MARK2: variants seen among roughly 807,000 people sequenced by gnomAD.
MARK2 encodes microtubule affinity regulating kinase 2, also known as serine/threonine-protein kinase MARK2.
MARK2 carries 16 observed loss-of-function variants against 89.8 expected under a neutral mutation model. The observed-to-expected ratio is 0.18, with a 90% CI of 0.12 to 0.27. The LOEUF is 0.27. Among genes scored for constraint, MARK2 ranks in the 10% least tolerant of loss-of-function variants. The pLI is 1.00. For synonymous variants in MARK2, 382 were observed against 399.5 expected, an observed-to-expected ratio of 0.96 and a Z score of 0.52; for missense variants, 621 against 1,049.9, an observed-to-expected ratio of 0.59 and a Z score of 5.65.
At chr11:63,859,207 A>G (rs1937612701) in intron 1 of MARK2, among the ~76,000 whole-genome samples, 1 of 152,116 alleles carries the variant, frequency 6.6e-6, no homozygotes, top group Non-Finnish European at 1.5e-5. Context: ...GGCTGCAGTC[A>G]CTAAGGCCAG....
chr11:63,852,842 A>T (rs2016640258), intron 1 of MARK2, among the ~76,000 whole-genome samples: 1 of 152,204 alleles, frequency 6.6e-6, no homozygotes, highest in East Asian at 1.9e-4. Flanking sequence ...GAGTTTAAAG[A>T]AAAAGGAATT....
At position 63,888,595 on chromosome 11, in the gene MARK2, G is replaced by A. The variant is rs1939557321; in HGVS notation, c.55-6564G>A. ...CCCCTTCCCTCCCACCTTGCTTCTGGTGTGCTGTCCTGGAATTGCACGCGC... is the reference window on the plus strand; with the variant it reads ...CCCCTTCCCTCCCACCTTGCTTCTGATGTGCTGTCCTGGAATTGCACGCGC... On this transcript the variant is annotated intron_variant, in intron 1 of 18. Coordinates refer to ENST00000402010, the MANE Select transcript of MARK2 (RefSeq NM_001039469.3). 3.6e-6 allele frequency: 4 copies of A among 1,107,648 alleles called. No homozygotes were observed. In the African/African-American group the frequency reaches 6.6e-5, roughly 18 times the overall value. 68.6% of individuals were successfully genotyped at this position (1,107,648 alleles called of 1,614,324 possible).
At chr11:63,907,771 G>A (rs1160511986) in intron 17 of MARK2, among the ~76,000 whole-genome samples, 2 of 152,078 alleles carry the variant, frequency 1.3e-5, no homozygotes, top group South Asian at 2.1e-4. Flanking sequence ...GCGTAGCCAC[G>A]GCCCCTCCTC....
At chr11:63,852,047 C>G (rs1321995529) in intron 1 of MARK2, among the ~76,000 whole-genome samples, 2 of 152,186 alleles carry the variant, frequency 1.3e-5, no homozygotes. Context: ...AAATTCTGTT[C>G]ATAGTAACGT....
chr11:63,861,146 T>C (rs956154955), intron 1 of MARK2, among the ~76,000 whole-genome samples: 2 of 152,094 alleles, frequency 1.3e-5, no homozygotes, highest in Non-Finnish European at 2.9e-5. Context: ...TAAGGAACTT[T>C]AATTTCGGGT....
intron 1 of MARK2, among the ~76,000 whole-genome samples, chr11:63,852,837 TAAAGAAAAA>T (rs2016639844): frequency 6.6e-6 from 1 of 152,192 alleles, no homozygotes; most frequent in Non-Finnish European, 1.5e-5. Context: ...ATTTAGAGTT[TAAAGAAAAA>T]GGAATTGCAT....
At chr11:63,877,962 G>A (rs1938864666) in intron 1 of MARK2, among the ~76,000 whole-genome samples, 1 of 152,196 alleles carries the variant, frequency 6.6e-6, no homozygotes, top group Non-Finnish European at 1.5e-5. Flanking sequence ...CATTGATCTG[G>A]CAAGCTGGCC....
At position 63,909,292 on chromosome 11, in the gene MARK2, C is replaced by T. The variant is rs1378212667; in HGVS notation, c.*55C>T. ...CGGGCCAGCTGGACGGGCTGCCGGCCGCTGCGCCGCCCCACCTGGGCGAGA... is the reference window on the plus strand; with the variant it reads ...CGGGCCAGCTGGACGGGCTGCCGGCTGCTGCGCCGCCCCACCTGGGCGAGA... On this transcript the variant is annotated 3_prime_UTR_variant, in exon 19 of 19. Coordinates refer to ENST00000402010, the MANE Select transcript of MARK2 (RefSeq NM_001039469.3). The T allele has an allele frequency of 5.1e-5, 76 of 1,478,770 alleles. No individual in the cohort carries two copies. The highest frequency in any genetic ancestry group is 6.3e-5 in the Non-Finnish European group (70 of 1,111,074). 91.6% of individuals were successfully genotyped at this position (1,478,770 alleles called of 1,614,324 possible). A position where few individuals can be genotyped will look rare whatever the true frequency, so the allele number is the denominator to read the frequency against.
In MARK2 at chr11:63,893,209, G is replaced by A. The variant is rs533358073; in HGVS notation, c.55-1950G>A. On this transcript the variant is annotated intron_variant, in intron 1 of 18. Coordinates refer to ENST00000402010, the MANE Select transcript of MARK2 (RefSeq NM_001039469.3). ...AATTTCTTAATTTTTTGTAGAGACA[G>A]AGTCTCCCTATGTTGCCCAGGCTCG... Among the ~76,000 whole-genome samples, 186 of 149,450 alleles carry A rather than the reference G, an allele frequency of 1.2e-3. 1 individual carries two copies. Among genetic ancestry groups the A allele is most frequent in the African/African-American group, 4.5e-3 (181 of 40,566 alleles).
At chr11:63,898,876 T>A in intron 6 of MARK2, 43 bp downstream of exon 6, 1 of 1,570,570 alleles carries the variant, frequency 6.4e-7, no homozygotes, top group South Asian at 1.1e-5. Flanking sequence ...TGACCTCTGC[T>A]TTTGGGGTTT....
At chr11:63,852,718 C>T (rs1219206568) in intron 1 of MARK2, among the ~76,000 whole-genome samples, 1 of 151,108 alleles carries the variant, frequency 6.6e-6, no homozygotes, top group Non-Finnish European at 1.5e-5. Flanking sequence ...ATGAAAGCTA[C>T]CTTCTCAGTT....
intron 5 of MARK2, 31 bp downstream of exon 5, chr11:63,898,704 C>T (rs745498347): frequency 6.2e-7 from 1 of 1,610,688 alleles, no homozygotes; most frequent in Non-Finnish European, 8.5e-7. Context: ...TCCTGTTGTG[C>T]CCCCACTTCT....
intron 1 of MARK2, among the ~76,000 whole-genome samples, chr11:63,892,199 C>G (rs1403929471): frequency 6.6e-6 from 1 of 152,158 alleles, no homozygotes; most frequent in Admixed American, 6.5e-5. Context: ...AGGAGCCTCC[C>G]CCTTCAAACA....
intron 1 of MARK2, among the ~76,000 whole-genome samples, chr11:63,853,955 C>A (rs1269917250): frequency 1.6e-4 from 24 of 152,148 alleles, no homozygotes; most frequent in Non-Finnish European, 2.8e-4. Context: ...TCACTGCCAC[C>A]TCTGCCTCCT....
At chr11:63,892,504 C>T (rs1316481019) in intron 1 of MARK2, among the ~76,000 whole-genome samples, 1 of 152,070 alleles carries the variant, frequency 6.6e-6, no homozygotes, top group Non-Finnish European at 1.5e-5. Context: ...GCTTCACGTA[C>T]AGCCAGCAGG....
Position 63,839,454 on chromosome 11 carries a change from C to T in MARK2, c.-53C>T. ...CGCCCGGCCGGGCTCCGCGCCTTCC[C>T]TTCCCTCCCTTCCTCCAAGCTTCTC... is the stretch of plus-strand genomic sequence containing the variant. On this transcript the variant is annotated 5_prime_UTR_variant, in exon 1 of 19. Coordinates refer to ENST00000402010, the MANE Select transcript of MARK2 (RefSeq NM_001039469.3). The T allele has an allele frequency of 8.2e-7, 1 of 1,218,586 alleles. No individual in the cohort carries two copies. Among genetic ancestry groups the T allele is most frequent in the Non-Finnish European group, 1.2e-6 (1 of 857,050 alleles). 75.5% of individuals were successfully genotyped at this position (1,218,586 alleles called of 1,614,324 possible). A position where few individuals can be genotyped will look rare whatever the true frequency, so the allele number is the denominator to read the frequency against.
At chr11:63,897,889 G>A (rs1000377035) in intron 3 of MARK2, among the ~76,000 whole-genome samples, 1 of 152,148 alleles carries the variant, frequency 6.6e-6, no homozygotes, top group East Asian at 1.9e-4. Context: ...GCAGCAGCTC[G>A]GATTCTGAAT....
intron 3 of MARK2, among the ~76,000 whole-genome samples, chr11:63,896,551 A>G (rs970035278): frequency 6.6e-6 from 1 of 152,254 alleles, no homozygotes; most frequent in Non-Finnish European, 1.5e-5. Flanking sequence ...ACAGAGTCAG[A>G]TAGTGATACT....
chr11:63,865,658 C>T (rs1208694906), intron 1 of MARK2, among the ~76,000 whole-genome samples: 1 of 152,184 alleles, frequency 6.6e-6, no homozygotes, highest in African/African-American at 2.4e-5. Context: ...CTTGTATTCC[C>T]AGGGAGAAAA....
Sources: allele counts gnomAD v4.1 joint callset (sites outside exome capture counted in the v4.1 genomes callset), GRCh38; gene constraint gnomAD v4.1.1; transcripts MANE v1.5; gene names NCBI Gene and HGNC (gene_info 2026-07-23, HGNC 2026-07-21).